COL8A2: variants seen among roughly 807,000 people sequenced by gnomAD.
COL8A2 encodes collagen type VIII alpha 2 chain.
Under a neutral mutation model 24.0 loss-of-function variants are expected in COL8A2, and 16 were observed. The ratio of observed to expected loss-of-function variants is 0.67; its 90% CI spans 0.45 to 1.01. The LOEUF (loss-of-function observed/expected upper bound fraction) is 1.01. Ranked by LOEUF, COL8A2 falls within the 50% of genes least tolerant of loss-of-function variation. The probability of loss-of-function intolerance (pLI) is 0.00; values close to 1 mark genes in which losing one functional copy is unlikely to be tolerated. For synonymous variants in COL8A2, 466 were observed against 424.5 expected, an observed-to-expected ratio of 1.10 and a Z score of -1.20; for missense variants, 818 against 942.4, an observed-to-expected ratio of 0.87 and a Z score of 1.73.
At chr1:36,111,960 G>A (rs1643847298) in intron 2 of COL8A2, among the ~76,000 whole-genome samples, 1 of 152,068 alleles carries the variant, frequency 6.6e-6, no homozygotes, top group African/African-American at 2.4e-5. Flanking sequence ...AGGTGCCAAG[G>A]CCAAAAATCT....
At chr1:36,118,628 C>T (rs930035632) in intron 1 of COL8A2, among the ~76,000 whole-genome samples, 2 of 152,200 alleles carry the variant, frequency 1.3e-5, no homozygotes, top group East Asian at 1.9e-4. Context: ...CAGAGCCTGC[C>T]GCTGTTGGCT....
At chr1:36,101,252 A>G (rs1226848930) in intron 2 of COL8A2, among the ~76,000 whole-genome samples, 5 of 152,020 alleles carry the variant, frequency 3.3e-5, no homozygotes, top group South Asian at 2.1e-4. Flanking sequence ...ATTGCCTGCT[A>G]TCCCTTTCTC....
At chr1:36,103,751 T>C (rs1222957146) in intron 2 of COL8A2, among the ~76,000 whole-genome samples, 1 of 151,924 alleles carries the variant, frequency 6.6e-6, no homozygotes, top group Non-Finnish European at 1.5e-5. Context: ...GCCCAGCTAA[T>C]TTTTGCATTT....
chr1:36,110,624 G>A (rs1643827280), intron 2 of COL8A2, among the ~76,000 whole-genome samples: 1 of 152,082 alleles, frequency 6.6e-6, no homozygotes, highest in South Asian at 2.1e-4. Context: ...CGTGTGGCTG[G>A]GATTACAGGG....
chr1:36,108,610 C>T (rs1643794676), intron 2 of COL8A2, among the ~76,000 whole-genome samples: 1 of 152,232 alleles, frequency 6.6e-6, no homozygotes, highest in African/African-American at 2.4e-5. Context: ...AAACAGCATT[C>T]TGTCCAAGTC....
chr1:36,109,313 CT>C, intron 2 of COL8A2, among the ~76,000 whole-genome samples: 1 of 152,236 alleles, frequency 6.6e-6, no homozygotes, highest in Non-Finnish European at 1.5e-5. Context: ...GTCTCTACTC[CT>C]GACTCCTCTC....
chr1:36,105,024 C>T (rs1643734844), intron 2 of COL8A2, among the ~76,000 whole-genome samples: 1 of 152,082 alleles, frequency 6.6e-6, no homozygotes, highest in Non-Finnish European at 1.5e-5. Context: ...GCATCTTTGC[C>T]TGGCAACAAG....
intron 2 of COL8A2, among the ~76,000 whole-genome samples, chr1:36,102,683 T>TC (rs1643696926): frequency 7.1e-6 from 1 of 141,842 alleles, no homozygotes; most frequent in African/African-American, 2.6e-5. Context: ...TTTTTTTTTT[T>TC]TTTTTTGAGA....
chr1:36,120,327 T>C (rs1024606735), intron 1 of COL8A2, among the ~76,000 whole-genome samples: 11 of 151,118 alleles, frequency 7.3e-5, no homozygotes, highest in Admixed American at 1.3e-4. Flanking sequence ...ATGGTACACA[T>C]CTGTAATCCC....
At chr1:36,118,006 T>A (rs1643887861) in intron 1 of COL8A2, among the ~76,000 whole-genome samples, 1 of 152,140 alleles carries the variant, frequency 6.6e-6, no homozygotes, top group African/African-American at 2.4e-5. Flanking sequence ...GGATCAGAGA[T>A]GCGGATCCTA....
chr1:36,099,964 G>A (rs865800380), intron 3 of COL8A2, 86 bp downstream of exon 3: 14 of 1,275,458 alleles, frequency 1.1e-5, no homozygotes, highest in South Asian at 2.4e-5. Context: ...TGTGGAGGGC[G>A]CCTGAGGATC....
rs535756952 is a variant in COL8A2 at position 36,095,348 on chromosome 1, A to C, written c.*2221T>G. The C allele has an allele frequency of 6.6e-6, 1 of 152,276 alleles. No homozygotes were observed. The highest frequency in any genetic ancestry group is 6.5e-5 in the Admixed American group (1 of 15,282). 9.4% of individuals were successfully genotyped at this position (152,276 alleles called of 1,614,324 possible). On this transcript the variant is annotated 3_prime_UTR_variant, in exon 4 of 4. Transcript: ENST00000397799. ...TTGATTCCCAAGTGCATTTTTCCTG[A>C]ATCTTCTGTGATACAGGGCACATGA...
chr1:36,101,155 A>G (rs1643674681), intron 2 of COL8A2, among the ~76,000 whole-genome samples: 1 of 151,754 alleles, frequency 6.6e-6, no homozygotes, highest in Non-Finnish European at 1.5e-5. Flanking sequence ...CAGCCTCCCA[A>G]AGTGTTAGGA....
chr1:36,097,998 C>A lies in COL8A2; in HGVS notation c.1683G>T (p.Lys561Asn), dbSNP rs572178362. The A allele has an allele frequency of 6.3e-7, 1 of 1,598,166 alleles. No homozygotes were observed. Among genetic ancestry groups the A allele is most frequent in the African/African-American group, 1.3e-5 (1 of 74,924 alleles). Reference protein sequence around the residue: ...VEGAVLGKGGKPQFGLGELSA... With the variant: ...VEGAVLGKGGNPQFGLGELSA... ...ACAGCTCGCCCAGCCCAAACTGTGG[C>A]TTGCCCCCCTTGCCCAGCACGGCAC... Residue 561 changes from lysine (K) to asparagine (N), a missense_variant, in exon 4 of 4, where the codon AAG becomes AAT. Around this residue, in one of 3 missense-constraint regions of COL8A2, gnomAD observed 235 missense variants for 297.3 expected, o/e 0.79. Coordinates refer to ENST00000397799, the MANE Select transcript of COL8A2 (RefSeq NM_005202.4).
At chr1:36,121,717 T>TA (rs34294089) in intron 1 of COL8A2, among the ~76,000 whole-genome samples, 121,818 of 147,858 alleles carry the variant, frequency 0.82, 50,590 homozygotes, top group East Asian at 0.93. Flanking sequence ...CAAAAAAAAT[T>TA]AAAAAAAAAA....
At position 36,097,302 on chromosome 1, in the gene COL8A2, C is replaced by T. The variant is rs1452940076; in HGVS notation, c.*267G>A. On this transcript the variant is annotated 3_prime_UTR_variant, in exon 4 of 4. Transcript: ENST00000397799. ...TCAGGGCCCAGCAGAGGCCAGGACT[C>T]ACAAGGGGCTGGGCTGTGTGCCTCA... is the stretch of plus-strand genomic sequence containing the variant. The T allele has an allele frequency of 2.3e-6, 1 of 429,648 alleles. No homozygotes were observed. The highest frequency in any genetic ancestry group is 2.0e-5 in the African/African-American group (1 of 50,660). 26.6% of individuals were successfully genotyped at this position (429,648 alleles called of 1,614,324 possible).
At chr1:36,117,393 G>A (rs1193845935) in intron 1 of COL8A2, among the ~76,000 whole-genome samples, 3 of 152,244 alleles carry the variant, frequency 2.0e-5, no homozygotes, top group Non-Finnish European at 4.4e-5. Flanking sequence ...TCTGGGCTTT[G>A]AAGGATGAAC....
chr1:36,109,046 C>G (rs1320133126), intron 2 of COL8A2, among the ~76,000 whole-genome samples: 1 of 152,206 alleles, frequency 6.6e-6, no homozygotes, highest in East Asian at 1.9e-4. Flanking sequence ...CAGACCCCCA[C>G]AGGGTGGGTG....
chr1:36,124,541 AC>A (rs1643937006), intron 1 of COL8A2, among the ~76,000 whole-genome samples: 2 of 152,146 alleles, frequency 1.3e-5, no homozygotes, highest in East Asian at 3.9e-4. Context: ...CTGACAGGGC[AC>A]CTAGAATAGG....
Sources: allele counts gnomAD v4.1 joint callset (sites outside exome capture counted in the v4.1 genomes callset), GRCh38; gene constraint gnomAD v4.1.1; regional missense constraint gnomAD v4.1.1; transcripts MANE v1.5; gene names NCBI Gene and HGNC (gene_info 2026-07-23, HGNC 2026-07-21).